The following ACTN4 variants were observed in gnomAD, a reference collection of about 807,000 sequenced individuals.
ACTN4 encodes alpha-actinin-4.
ACTN4 carries 18 observed loss-of-function variants against 114.2 expected under a neutral mutation model. That is an observed-to-expected ratio of 0.16 (90% confidence interval 0.11 to 0.23). The LOEUF is 0.23. Ranked by LOEUF, ACTN4 falls within the 10% of genes least tolerant of loss-of-function variation. ACTN4 has a pLI of 1.00. For synonymous variants in ACTN4, 515 were observed against 506.3 expected (o/e 1.02, Z -0.23); for missense variants, 722 against 1,262.9 (o/e 0.57, Z 6.49).
intron 1 of ACTN4, among the ~76,000 whole-genome samples, chr19:38,664,238 C>T (rs2144859106): frequency 6.6e-6 from 1 of 152,104 alleles, no homozygotes; most frequent in East Asian, 1.9e-4. Context: ...CTTAGTGCTG[C>T]TTGTGGAACT....
chr19:38,718,458 C>T (rs1425041961), intron 11 of ACTN4, among the ~76,000 whole-genome samples: 1 of 152,060 alleles, frequency 6.6e-6, no homozygotes, highest in Admixed American at 6.6e-5. Context: ...ATTGATTGAG[C>T]CAGGGAGGTC....
At position 38,709,343 on chromosome 19, in the gene ACTN4, C is replaced by A; in HGVS notation, c.652-52C>A. 6 of 1,414,640 alleles carry A rather than the reference C, an allele frequency of 4.2e-6. No individual in the cohort carries two copies. The East Asian group carries it at 1.1e-4, about 27-fold the overall frequency. 87.6% of individuals were successfully genotyped at this position (1,414,640 alleles called of 1,614,324 possible). ...GGGCCAGCCCTGCCTCCCTCCTGCTCCTGCACCCTGCCCTGACGGAGTTCT... is the reference window on the plus strand; with the variant it reads ...GGGCCAGCCCTGCCTCCCTCCTGCTACTGCACCCTGCCCTGACGGAGTTCT... On this transcript the variant is annotated intron_variant, in intron 6 of 20. Coordinates refer to ENST00000252699, the MANE Select transcript of ACTN4 (RefSeq NM_004924.6).
intron 3 of ACTN4, among the ~76,000 whole-genome samples, chr19:38,704,541 T>C (rs988379180): frequency 1.3e-5 from 2 of 152,216 alleles, no homozygotes; most frequent in Non-Finnish European, 2.9e-5. Flanking sequence ...TGCCCCCCTG[T>C]AGTCAGGAGG....
chr19:38,725,635 G>A, intron 16 of ACTN4, 89 bp from the exon 17 acceptor site: 3 of 1,486,872 alleles, frequency 2.0e-6, no homozygotes, highest in Non-Finnish European at 1.8e-6. Flanking sequence ...CGGGGAAGAT[G>A]CAGGCCAGCA....
intron 1 of ACTN4, among the ~76,000 whole-genome samples, chr19:38,659,578 G>A (rs932954759): frequency 1.2e-4 from 19 of 152,286 alleles, no homozygotes; most frequent in African/African-American, 4.1e-4. Flanking sequence ...ACAGCGCACC[G>A]AGTTCTCTTA....
At chr19:38,706,538 C>G (rs1435039630) in intron 5 of ACTN4, among the ~76,000 whole-genome samples, 1 of 152,160 alleles carries the variant, frequency 6.6e-6, no homozygotes, top group Non-Finnish European at 1.5e-5. Context: ...CTCAGCCTCC[C>G]AAGTAGCTGG....
At chr19:38,670,631 A>G (rs1568686418) in intron 1 of ACTN4, among the ~76,000 whole-genome samples, 1 of 152,088 alleles carries the variant, frequency 6.6e-6, no homozygotes, top group South Asian at 2.1e-4. Context: ...ATTTCATTCA[A>G]CTTAAAAACC....
At chr19:38,658,727 G>C (rs1000215632) in intron 1 of ACTN4, among the ~76,000 whole-genome samples, 6 of 152,106 alleles carry the variant, frequency 3.9e-5, no homozygotes, top group Non-Finnish European at 8.8e-5. Context: ...CAGATGAATC[G>C]ACCCTTCTTA....
intron 12 of ACTN4, 126 bp downstream of exon 12, chr19:38,721,814 G>A: frequency 7.2e-7 from 1 of 1,388,636 alleles, no homozygotes; most frequent in Non-Finnish European, 9.9e-7. Context: ...TGCCCCAACT[G>A]CACCTCCTTC....
At chr19:38,702,386 G>A (rs1028552172) in intron 3 of ACTN4, among the ~76,000 whole-genome samples, 6 of 152,146 alleles carry the variant, frequency 3.9e-5, no homozygotes, top group Non-Finnish European at 8.8e-5. Context: ...CCACATGATT[G>A]GGCATTCGCG....
In ACTN4 at chr19:38,679,568, C is replaced by CAT. The variant is rs1555827862; in HGVS notation, c.163-21032_163-21031insAT. On this transcript the variant is annotated intron_variant, in intron 1 of 20. Transcript: ENST00000252699. ...ACGTGCTCAAATAGATTTGGGTGTGCGTGTGTGTGTGTGTGTGTGTGTGTG... is the reference window on the plus strand; with the variant it reads ...ACGTGCTCAAATAGATTTGGGTGTGCATGTGTGTGTGTGTGTGTGTGTGTGTG... Among the ~76,000 whole-genome samples the CAT allele has an allele frequency of 2.8e-4, 41 of 145,524 alleles. 2 individuals carry two copies. The highest frequency in any genetic ancestry group is 3.5e-3 in the Middle Eastern group (1 of 288).
rs1476156850 is a variant in ACTN4, at chr19:38,673,369, A to G, written c.162+25462A>G. On this transcript the variant is annotated intron_variant, in intron 1 of 20. Coordinates refer to ENST00000252699, the MANE Select transcript of ACTN4 (RefSeq NM_004924.6). Reference sequence around the variant, plus strand: ...GGAGCACACAGCCTAGTCGGGGACAATAGGCATTAAAAAATACCAACAATG... The same window carrying G: ...GGAGCACACAGCCTAGTCGGGGACAGTAGGCATTAAAAAATACCAACAATG... Among the ~76,000 whole-genome samples the G allele has an allele frequency of 2.0e-5, 3 of 148,900 alleles. 1 individual carries two copies. The Admixed American group carries it at 2.1e-4, about 10-fold the overall frequency.
chr19:38,647,925 C>T lies in ACTN4; in HGVS notation c.162+18C>T. On this transcript the variant is annotated intron_variant, in intron 1 of 20. Coordinates refer to ENST00000252699, the MANE Select transcript of ACTN4 (RefSeq NM_004924.6). ...AGCGCAAGGTGCGCGGCCCGCGGGC[C>T]GGACGGGCTGGAGGGGCTTTTCTGA... The T allele has an allele frequency of 7.6e-7, 1 of 1,311,170 alleles. No individual in the cohort carries two copies. Among genetic ancestry groups the T allele is most frequent in the South Asian group, 1.6e-5 (1 of 63,062 alleles). The allele number at this position is 1,311,170 out of a possible 1,614,324, so 81.2% of individuals were successfully genotyped here.
At chr19:38,648,781 G>A (rs1976467102) in intron 1 of ACTN4, among the ~76,000 whole-genome samples, 1 of 151,936 alleles carries the variant, frequency 6.6e-6, no homozygotes, top group African/African-American at 2.4e-5. Context: ...TACGGAGAGT[G>A]GGGATAATTT....
chr19:38,722,009 G>A, intron 12 of ACTN4: 1 of 441,602 alleles, frequency 2.3e-6, no homozygotes, highest in Non-Finnish European at 4.2e-6. Context: ...GTAGGCCCTG[G>A]TCCCCTGATG....
In ACTN4 at chr19:38,700,323, A is replaced by C. The variant is rs1968229180; in HGVS notation, c.163-277A>C. Among the ~76,000 whole-genome samples, 2 of 152,164 alleles carry C rather than the reference A, an allele frequency of 1.3e-5. 1 individual carries two copies. The highest frequency in any genetic ancestry group is 1.3e-4 in the Admixed American group (2 of 15,278). On this transcript the variant is annotated intron_variant, in intron 1 of 20. Transcript: ENST00000252699. The stretch of plus-strand genomic sequence containing the variant: ...AAAAGCACATGTTGCCAAAATTGAC[A>C]GACCTGGGTTCAAATCCAAGCTCTG...
At position 38,725,050 on chromosome 19, in the gene ACTN4, C is replaced by A. The variant is rs547382895; in HGVS notation, c.2010+485C>A. The stretch of plus-strand genomic sequence containing the variant: ...CTATTGAACCTCTGATCCTGTCCTC[C>A]CAGCTCTAAAATGGGGATGAAAACA... On this transcript the variant is annotated intron_variant, in intron 16 of 20. Coordinates refer to ENST00000252699, the MANE Select transcript of ACTN4 (RefSeq NM_004924.6). 7.2e-5 allele frequency among the ~76,000 whole-genome samples: 11 copies of A among 152,252 alleles called. No homozygotes were observed. The South Asian group carries it at 2.1e-3, about 29-fold the overall frequency.
rs769343913 is a variant in ACTN4, at chr19:38,701,070, C to T, written c.346C>T (p.Leu116=). ...CAAAATCAACAATGTGAACAAAGCG[C>T]TGGACTTTATTGCCAGCAAAGGCGT... ...VHKINNVNKA[L]DFIASKGVKL... The change falls in exon 3 of 21, where the codon CTG becomes TTG. Residue 116 remains leucine (L), a synonymous_variant. Transcript: ENST00000252699. 3.1e-6 allele frequency: 5 copies of T among 1,614,006 alleles called. No individual in the cohort carries two copies. In the African/African-American group the frequency reaches 6.7e-5, roughly 22 times the overall value.
chr19:38,663,879 T>G (rs1287984651), intron 1 of ACTN4, among the ~76,000 whole-genome samples: 1 of 152,202 alleles, frequency 6.6e-6, no homozygotes, highest in Non-Finnish European at 1.5e-5. Flanking sequence ...AGGGGGTGCC[T>G]TCTGAGGCAT....
Sources: allele counts gnomAD v4.1 joint callset (sites outside exome capture counted in the v4.1 genomes callset), GRCh38; gene constraint gnomAD v4.1.1; transcripts MANE v1.5; gene names NCBI Gene and HGNC (gene_info 2026-07-23, HGNC 2026-07-21).